TIAM1: variants seen among roughly 807,000 people sequenced by gnomAD.
TIAM1 encodes TIAM Rac1 associated GEF 1.
In TIAM1, 65 loss-of-function variants were observed where a neutral mutation model predicts 163.5. The ratio of observed to expected loss-of-function variants is 0.40; its 90% CI spans 0.33 to 0.49. The LOEUF (loss-of-function observed/expected upper bound fraction) is 0.49, where lower values mean the gene tolerates loss of function less well. Among genes scored for constraint, TIAM1 ranks in the 20% least tolerant of loss-of-function variants. The pLI, the probability that TIAM1 is intolerant of heterozygous loss-of-function variation, is 0.77. For missense variants in TIAM1, 1,789 were observed against 2,044.7 expected, an observed-to-expected ratio of 0.87 and a Z score of 2.41; for synonymous variants, 833 against 810.1, an observed-to-expected ratio of 1.03 and a Z score of -0.48.
intron 2 of TIAM1, among the ~76,000 whole-genome samples, chr21:31,390,880 C>T (rs7281013): frequency 0.095 from 14,435 of 152,178 alleles, 736 homozygotes; most frequent in Middle Eastern, 0.13. Flanking sequence ...TGACGACTAG[C>T]TTTTCCAGGA....
intron 1 of TIAM1, among the ~76,000 whole-genome samples, chr21:31,497,279 TG>T (rs1295919675): frequency 6.6e-6 from 1 of 152,234 alleles, no homozygotes; most frequent in Non-Finnish European, 1.5e-5. Flanking sequence ...CGCATAACTG[TG>T]TATGAAAGTT....
intron 1 of TIAM1, among the ~76,000 whole-genome samples, chr21:31,535,367 G>A (rs1235689898): frequency 2.0e-4 from 21 of 105,184 alleles, no homozygotes; most frequent in African/African-American, 8.2e-4. Context: ...GGCGACAGAG[G>A]AAGGCTCCAT....
chr21:31,283,082 C>T (rs2833362), intron 2 of TIAM1, among the ~76,000 whole-genome samples: 4,198 of 152,262 alleles, frequency 0.028, 178 homozygotes, highest in African/African-American at 0.092. Context: ...GAAGTAAAGT[C>T]GGTACATTTC....
intron 1 of TIAM1, among the ~76,000 whole-genome samples, chr21:31,512,165 T>C (rs2047230293): frequency 6.6e-6 from 1 of 152,114 alleles, no homozygotes; most frequent in Non-Finnish European, 1.5e-5. Flanking sequence ...GGTACAATCT[T>C]GGCTCACTGC....
chr21:31,387,420 C>A (rs1274663258), intron 2 of TIAM1, among the ~76,000 whole-genome samples: 1 of 151,630 alleles, frequency 6.6e-6, no homozygotes, highest in Non-Finnish European at 1.5e-5. Flanking sequence ...GCCATGTTGA[C>A]CAGGCTGGTC....
At chr21:31,459,856 C>T (rs536003740) in intron 2 of TIAM1, among the ~76,000 whole-genome samples, 2 of 152,176 alleles carry the variant, frequency 1.3e-5, no homozygotes, top group Non-Finnish European at 2.9e-5. Context: ...TTCTGGTCTC[C>T]CAGTCTTCAA....
intron 14 of TIAM1, among the ~76,000 whole-genome samples, chr21:31,186,745 G>T (rs2085324195): frequency 6.6e-6 from 1 of 151,856 alleles, no homozygotes; most frequent in East Asian, 1.9e-4. Flanking sequence ...TGCGCCACTG[G>T]ACTCCAGCCT....
intron 14 of TIAM1, among the ~76,000 whole-genome samples, chr21:31,184,456 G>C (rs573960202): frequency 9.0e-4 from 137 of 152,158 alleles, no homozygotes; most frequent in Non-Finnish European, 2.4e-4. Context: ...TTCTAGACAC[G>C]CCAGGTGTTG....
intron 22 of TIAM1, among the ~76,000 whole-genome samples, chr21:31,137,021 C>T (rs772016579): frequency 1.3e-5 from 2 of 152,202 alleles, no homozygotes; most frequent in Non-Finnish European, 2.9e-5. Flanking sequence ...AAACTGTCTC[C>T]GACAGACAAG....
chr21:31,454,392 T>C lies in TIAM1; in HGVS notation c.-369+9591A>G, dbSNP rs1251705166. On this transcript the variant is annotated intron_variant, in intron 2 of 28. Transcript: ENST00000286827. Reference sequence around the variant, plus strand: ...TTTAAGAGCATGTCAGAAAACAACATGTGTACTATGATCCTTTCTTATATA... The same window carrying C: ...TTTAAGAGCATGTCAGAAAACAACACGTGTACTATGATCCTTTCTTATATA... Among the ~76,000 whole-genome samples the C allele has an allele frequency of 2.0e-5, 3 of 152,208 alleles. 1 individual carries two copies. The highest frequency in any genetic ancestry group is 6.5e-5 in the Admixed American group (1 of 15,272).
chr21:31,459,955 A>C (rs1036267649), intron 2 of TIAM1, among the ~76,000 whole-genome samples: 2 of 152,144 alleles, frequency 1.3e-5, no homozygotes, highest in Admixed American at 6.6e-5. Flanking sequence ...CTTTTTCCTC[A>C]GGGTGCTTTT....
intron 2 of TIAM1, among the ~76,000 whole-genome samples, chr21:31,365,872 G>A (rs1202422724): frequency 1.3e-5 from 2 of 151,610 alleles, no homozygotes; most frequent in African/African-American, 4.8e-5. Flanking sequence ...GAAGGCTCAG[G>A]CAGGTGGATC....
At chr21:31,174,160 G>T (rs1013603333) in intron 15 of TIAM1, among the ~76,000 whole-genome samples, 1 of 152,180 alleles carries the variant, frequency 6.6e-6, no homozygotes, top group African/African-American at 2.4e-5. Context: ...CCTGCCGCCT[G>T]ACTGTCTTCG....
chr21:31,443,447 T>C (rs1433823327), intron 2 of TIAM1, among the ~76,000 whole-genome samples: 1 of 152,260 alleles, frequency 6.6e-6, no homozygotes, highest in East Asian at 1.9e-4. Context: ...AGATCTGATA[T>C]TTTAATGGTT....
In TIAM1 at chr21:31,225,880, C is replaced by T; in HGVS notation, c.1655G>A (p.Arg552Lys). 1 of 1,614,118 alleles carries T rather than the reference C, an allele frequency of 6.2e-7. No homozygotes were observed. Among genetic ancestry groups the T allele is most frequent in the Non-Finnish European group, 8.5e-7 (1 of 1,180,036 alleles). ...GAGCGTGTCTTCCTTGTGGTGGTGCCTCGCGACCGCAGTGGCGCAGGCAGA... is the reference window on the plus strand; with the variant it reads ...GAGCGTGTCTTCCTTGTGGTGGTGCTTCGCGACCGCAGTGGCGCAGGCAGA... ...IHSACATAVA[R>K]HHHKEDTLRL... Residue 552 changes from arginine (R) to lysine (K), a missense_variant, in exon 7 of 28, where the codon AGG (arginine) becomes AAG (lysine). By Grantham distance (26) the Arg-to-Lys change is conservative (BLOSUM62 2). Around this residue, in one of 5 missense-constraint regions of TIAM1, gnomAD observed 456 missense variants for 586.6 expected, o/e 0.78. Transcript: ENST00000541036.
chr21:31,465,664 G>C (rs1001728454), intron 1 of TIAM1, among the ~76,000 whole-genome samples: 1 of 151,554 alleles, frequency 6.6e-6, no homozygotes, highest in African/African-American at 2.4e-5. Flanking sequence ...CCCGCCTCCC[G>C]GGTTCACGCC....
At chr21:31,509,865 A>G (rs1284664902) in intron 1 of TIAM1, among the ~76,000 whole-genome samples, 1 of 152,192 alleles carries the variant, frequency 6.6e-6, no homozygotes, top group African/African-American at 2.4e-5. Context: ...GGGATGAGTC[A>G]GCCAATTACC....
At chr21:31,335,368 G>T (rs143464210) in intron 2 of TIAM1, among the ~76,000 whole-genome samples, 1 of 152,236 alleles carries the variant, frequency 6.6e-6, no homozygotes, top group East Asian at 1.9e-4. Flanking sequence ...ACAAGCTCAT[G>T]AACAGTGAAA....
intron 2 of TIAM1, among the ~76,000 whole-genome samples, chr21:31,306,143 G>C (rs1217944532): frequency 6.6e-6 from 1 of 151,950 alleles, no homozygotes; most frequent in Admixed American, 6.6e-5. Flanking sequence ...AATAAGCCAG[G>C]CATGGTGACA....
Sources: gnomAD v4.1 joint callset for allele counts (sites outside exome capture counted in the v4.1 genomes callset) on GRCh38, gnomAD v4.1.1 for gene constraint, gnomAD v4.1.1 regional missense constraint, MANE v1.5 for transcripts, NCBI Gene and HGNC (gene_info 2026-07-23, HGNC 2026-07-21) for gene names.